TNRC6B: variants seen among roughly 807,000 people sequenced by gnomAD.
TNRC6B encodes trinucleotide repeat containing adaptor 6B.
TNRC6B carries 52 observed loss-of-function variants against 203.6 expected under a neutral mutation model. The observed-to-expected ratio is 0.26, with a 90% CI of 0.20 to 0.32. The LOEUF is 0.32. Ranked by LOEUF, TNRC6B falls within the 10% of genes least tolerant of loss-of-function variation. TNRC6B has a pLI of 1.00. For missense variants in TNRC6B, 1,923 were observed against 2,286.2 expected (o/e 0.84, Z 3.24); for synonymous variants, 838 against 845.7 (o/e 0.99, Z 0.16).
intron 1 of TNRC6B, among the ~76,000 whole-genome samples, chr22:40,053,919 A>G (rs2067771532): frequency 6.6e-6 from 1 of 152,142 alleles, no homozygotes; most frequent in African/African-American, 2.4e-5. Flanking sequence ...TTTCTCCCCT[A>G]CTTAAAACTG....
chr22:40,293,377 A>G (rs537624715), intron 12 of TNRC6B, among the ~76,000 whole-genome samples: 1 of 151,810 alleles, frequency 6.6e-6, no homozygotes, highest in South Asian at 2.1e-4. Context: ...TATTTTTAGT[A>G]GAGACAGGAT....
chr22:40,172,742 C>T (rs754592619), intron 4 of TNRC6B, among the ~76,000 whole-genome samples: 4 of 152,142 alleles, frequency 2.6e-5, no homozygotes, highest in Non-Finnish European at 5.9e-5. Context: ...GTAAGGATAA[C>T]GTGGAAATTA....
At chr22:40,244,615 G>C (rs2070079437) in intron 1 of TNRC6B, among the ~76,000 whole-genome samples, 1 of 152,006 alleles carries the variant, frequency 6.6e-6, no homozygotes, top group African/African-American at 2.4e-5. Flanking sequence ...TTATGATTTT[G>C]CCATGTTTGC....
intron 3 of TNRC6B, among the ~76,000 whole-genome samples, chr22:40,135,600 C>G (rs2068593091): frequency 6.6e-6 from 1 of 152,122 alleles, no homozygotes; most frequent in African/African-American, 2.4e-5. Flanking sequence ...TTAATGGGCT[C>G]AAGTGATCTT....
chr22:40,146,488 T>G (rs1259303426), intron 3 of TNRC6B, among the ~76,000 whole-genome samples: 1 of 151,942 alleles, frequency 6.6e-6, no homozygotes, highest in Admixed American at 6.6e-5. Context: ...CTCTGCCTCC[T>G]GAATTCAAGC....
chr22:40,238,473 C>T (rs1246925575), intron 1 of TNRC6B, among the ~76,000 whole-genome samples: 1 of 152,160 alleles, frequency 6.6e-6, no homozygotes, highest in Non-Finnish European at 1.5e-5. Context: ...ATCCCCCCGC[C>T]CCCAACCACC....
intron 1 of TNRC6B, among the ~76,000 whole-genome samples, chr22:40,091,823 TA>T (rs1177540931): frequency 6.6e-6 from 1 of 151,308 alleles, no homozygotes; most frequent in Non-Finnish European, 1.5e-5. Flanking sequence ...TAATGAAACT[TA>T]AAAAAAAACT....
chr22:40,072,516 C>T (rs1199615084), intron 1 of TNRC6B, among the ~76,000 whole-genome samples: 1 of 152,102 alleles, frequency 6.6e-6, no homozygotes, highest in East Asian at 1.9e-4. Context: ...ATATGGAATC[C>T]ACATTCTTTT....
chr22:40,129,233 G>A (rs1346490143), intron 3 of TNRC6B, among the ~76,000 whole-genome samples: 4 of 152,212 alleles, frequency 2.6e-5, no homozygotes, highest in Non-Finnish European at 5.9e-5. Flanking sequence ...GACCTCAGAG[G>A]CCACAGTGTG....
chr22:40,207,857 A>G (rs921219517), intron 1 of TNRC6B, among the ~76,000 whole-genome samples: 1 of 152,160 alleles, frequency 6.6e-6, no homozygotes, highest in African/African-American at 2.4e-5. Flanking sequence ...TCACACCTGT[A>G]ATCCCAGCAC....
intron 18 of TNRC6B, 26 bp downstream of exon 18, chr22:40,312,677 T>C (rs1442887051): frequency 6.3e-7 from 1 of 1,590,066 alleles, no homozygotes; most frequent in Non-Finnish European, 8.6e-7. Context: ...ATCTCTTATA[T>C]GTTCAACACC....
At chr22:40,282,864 T>C (rs1362446303) in intron 11 of TNRC6B, among the ~76,000 whole-genome samples, 1 of 152,162 alleles carries the variant, frequency 6.6e-6, no homozygotes, top group Non-Finnish European at 1.5e-5. Flanking sequence ...TTTTAATTTG[T>C]ATGCTTTTTT....
chr22:40,178,006 C>T lies in TNRC6B; in HGVS notation c.-130C>T, dbSNP rs1029193056. On this transcript the variant is annotated 5_prime_UTR_variant, in exon 1 of 23. Coordinates refer to ENST00000454349, the MANE Select transcript of TNRC6B (RefSeq NM_001162501.2). ...CAAGCCAAAATGGCCGACAGAGTCT[C>T]TGCTGGTTTCTGAATATTTAAAATA... is the stretch of plus-strand genomic sequence containing the variant. 6.5e-6 allele frequency: 10 copies of T among 1,540,500 alleles called. No homozygotes were observed. In the African/African-American group the frequency reaches 1.1e-4, roughly 17 times the overall value.
At chr22:40,281,019 A>C (rs1016559883) in intron 10 of TNRC6B, 100 bp from the exon 11 acceptor site, 1 of 1,046,888 alleles carries the variant, frequency 9.6e-7, no homozygotes. Context: ...ATACACTCTA[A>C]CTTTGTTTAT....
At chr22:40,232,924 G>A (rs1006637297) in intron 1 of TNRC6B, among the ~76,000 whole-genome samples, 1 of 152,132 alleles carries the variant, frequency 6.6e-6, no homozygotes, top group African/African-American at 2.4e-5. Context: ...GGCTGAGGCG[G>A]GCAGAACACG....
chr22:40,191,865 C>T (rs184733599), intron 1 of TNRC6B, among the ~76,000 whole-genome samples: 172 of 152,326 alleles, frequency 1.1e-3, no homozygotes, highest in African/African-American at 4.0e-3. Flanking sequence ...ATTCTTTTGC[C>T]TCAGCCTCCC....
chr22:40,122,428 C>T (rs564737612), intron 2 of TNRC6B, among the ~76,000 whole-genome samples: 5 of 151,966 alleles, frequency 3.3e-5, no homozygotes, highest in African/African-American at 9.7e-5. Flanking sequence ...CACTGAACTT[C>T]ATAATAACAC....
At chr22:40,080,837 GTTT>G (rs58040463) in intron 1 of TNRC6B, among the ~76,000 whole-genome samples, 11 of 134,496 alleles carry the variant, frequency 8.2e-5, no homozygotes, top group African/African-American at 2.9e-4. Context: ...TTTCTTTTTT[GTTT>G]TTTTTTTTTT....
chr22:40,299,018 T>C (rs1414156607), intron 12 of TNRC6B, among the ~76,000 whole-genome samples: 1 of 151,246 alleles, frequency 6.6e-6, no homozygotes. Context: ...CTCATACTTG[T>C]AATCACAACA....
Sources: gnomAD v4.1 joint callset for allele counts (sites outside exome capture counted in the v4.1 genomes callset) on GRCh38, gnomAD v4.1.1 for gene constraint, MANE v1.5 for transcripts, NCBI Gene and HGNC (gene_info 2026-07-23, HGNC 2026-07-21) for gene names.